The following PAK1IP1 variants were observed in gnomAD, a reference collection of about 807,000 sequenced individuals.
The protein encoded by PAK1IP1 is p21-activated protein kinase-interacting protein 1.
Under a neutral mutation model 42.0 loss-of-function variants are expected in PAK1IP1, and 24 were observed. The ratio of observed to expected loss-of-function variants is 0.57; its 90% CI spans 0.41 to 0.80. PAK1IP1 has a LOEUF of 0.80. Ranked by LOEUF, PAK1IP1 falls within the 30% of genes least tolerant of loss-of-function variation. The probability of loss-of-function intolerance (pLI) is 0.00; values close to 1 mark genes in which losing one functional copy is unlikely to be tolerated. For synonymous variants in PAK1IP1, 154 were observed against 156.7 expected, an observed-to-expected ratio of 0.98 and a Z score of 0.13; for missense variants, 411 against 467.9, an observed-to-expected ratio of 0.88 and a Z score of 1.12.
Position 10,709,514 on chromosome 6 carries a change from A to ATTT in PAK1IP1, c.*72_*74dup. On this transcript the variant is annotated 3_prime_UTR_variant, in exon 10 of 10. Coordinates refer to ENST00000379568, the MANE Select transcript of PAK1IP1 (RefSeq NM_017906.3). ...AATCATTCTACTCAAATGTACCTTA[A>ATTT]TTTTTTTTTTTTCCCTGAGTAAAAG... The ATTT allele has an allele frequency of 9.9e-6, 9 of 908,458 alleles. No individual in the cohort carries two copies. In the African/African-American group the frequency reaches 1.2e-4, roughly 12 times the overall value. The allele number at this position is 908,458 out of a possible 1,614,324, so 56.3% of individuals were successfully genotyped here.
Position 10,704,517 on chromosome 6 carries a change from A to G in PAK1IP1, c.507A>G (p.Ile169Met), listed in dbSNP as rs1230758231. 7 of 1,583,660 alleles carry G rather than the reference A, an allele frequency of 4.4e-6. No homozygotes were observed. The East Asian group carries it at 1.1e-4, about 25-fold the overall frequency. ...FIKNIKQNAH[I>M]VEWSPRGEQY... Reference sequence around the variant, plus strand: ...TTTTTCCACTTACAGATGCTCACATAGTAGAATGGTCCCCAAGAGGAGAGC... The same window carrying G: ...TTTTTCCACTTACAGATGCTCACATGGTAGAATGGTCCCCAAGAGGAGAGC... The change falls in exon 6 of 10, where the codon ATA (isoleucine) becomes ATG (methionine). Residue 169 changes from isoleucine (I) to methionine (M), a missense_variant. Transcript: ENST00000379568.
upstream of PAK1IP1, chr6:10,694,591 A>AAT: frequency 2.8e-5 from 5 of 180,124 alleles, no homozygotes; most frequent in Admixed American, 1.2e-4. Flanking sequence ...CCGGCGCTAC[A>AAT]GCCCCTAAGC....
chr6:10,709,573 A>G lies in PAK1IP1; in HGVS notation c.*121A>G. The G allele has an allele frequency of 4.2e-6, 2 of 478,104 alleles. No homozygotes were observed. Among genetic ancestry groups the G allele is most frequent in the Non-Finnish European group, 6.9e-6 (2 of 290,460 alleles). 29.6% of individuals were successfully genotyped at this position (478,104 alleles called of 1,614,324 possible). On this transcript the variant is annotated 3_prime_UTR_variant, in exon 10 of 10. Coordinates refer to ENST00000379568, the MANE Select transcript of PAK1IP1 (RefSeq NM_017906.3). ...TTCTTCCTTTGGAAAAAATATATAT[A>G]TTAAAAAACCACTTTTAGATGGTTT...
At chr6:10,694,609 CGG>C, upstream of PAK1IP1, 1 of 182,534 alleles carries the variant, frequency 5.5e-6, no homozygotes. Context: ...AGCAACCGGC[CGG>C]AAGTCGGCCC....
chr6:10,695,104 G>A lies in PAK1IP1; in HGVS notation c.84+35G>A, dbSNP rs201065929. 32 of 1,445,548 alleles carry A rather than the reference G, an allele frequency of 2.2e-5. No individual in the cohort carries two copies. In the Admixed American group the frequency reaches 5.0e-4, roughly 23 times the overall value. The allele number at this position is 1,445,548 out of a possible 1,614,324, so 89.5% of individuals were successfully genotyped here. The stretch of plus-strand genomic sequence containing the variant: ...CGCGTAGTTAGAGACAGTCGGAGGC[G>A]GGGCCGGGAAGGTCGGGTTTGGTTC... On this transcript the variant is annotated intron_variant, in intron 1 of 9. Transcript: ENST00000379568.
chr6:10,695,137 G>A, intron 1 of PAK1IP1, 68 bp downstream of exon 1: 1 of 965,478 alleles, frequency 1.0e-6, no homozygotes, highest in Non-Finnish European at 1.6e-6. Flanking sequence ...TTCCTACACA[G>A]CAGAGGTGAA....
At position 10,701,869 on chromosome 6, in the gene PAK1IP1, C is replaced by T. The variant is rs1770037310; in HGVS notation, c.248-500C>T. ...AATCTGTATCTAAACTGGAGATACT[C>T]TGCTGAAAATATTTGCATAGATTTG... On this transcript the variant is annotated intron_variant, in intron 2 of 9. Transcript: ENST00000379568. 2.0e-5 allele frequency among the ~76,000 whole-genome samples: 3 copies of T among 152,156 alleles called. No homozygotes were observed. The South Asian group carries it at 6.2e-4, about 32-fold the overall frequency.
chr6:10,692,106 G>A (rs1253831657), upstream of PAK1IP1, among the ~76,000 whole-genome samples: 1 of 152,158 alleles, frequency 6.6e-6, no homozygotes, highest in Non-Finnish European at 1.5e-5. Flanking sequence ...CAGGGCACCA[G>A]GGACATTCCA....
chr6:10,694,950 G>C (rs368645069), upstream of PAK1IP1: 2 of 1,386,078 alleles, frequency 1.4e-6, no homozygotes, highest in African/African-American at 2.9e-5. Flanking sequence ...CCTCCAGGCT[G>C]AGCCGGGCTG....
chr6:10,694,910 T>TC (rs1431010041), upstream of PAK1IP1: 1 of 903,202 alleles, frequency 1.1e-6, no homozygotes, highest in East Asian at 2.6e-5. Flanking sequence ...GGTGTTTTTT[T>TC]TTTTTTTTTT....
chr6:10,691,382 T>C (rs79274060), upstream of PAK1IP1, among the ~76,000 whole-genome samples: 2,573 of 152,114 alleles, frequency 0.017, 76 homozygotes, highest in African/African-American at 0.059. Context: ...GAGAGGGTCG[T>C]GATTGACTGA....
intron 2 of PAK1IP1, among the ~76,000 whole-genome samples, chr6:10,698,102 G>A (rs1164348023): frequency 6.6e-6 from 1 of 152,206 alleles, no homozygotes; most frequent in African/African-American, 2.4e-5. Context: ...CCGGCAGTGT[G>A]AGGAGCACAA....
intron 8 of PAK1IP1, among the ~76,000 whole-genome samples, chr6:10,708,070 A>T (rs1167885900): frequency 6.9e-6 from 1 of 144,428 alleles, no homozygotes; most frequent in Non-Finnish European, 1.5e-5. Flanking sequence ...TAAGTATACA[A>T]TTCAGTGATT....
chr6:10,691,521 CA>C (rs1279488460), upstream of PAK1IP1, among the ~76,000 whole-genome samples: 3 of 152,030 alleles, frequency 2.0e-5, no homozygotes, highest in East Asian at 3.9e-4. Flanking sequence ...CCGATTAGGT[CA>C]GGGGTCGATC....
chr6:10,695,218 C>T (rs922887716), intron 1 of PAK1IP1, 149 bp downstream of exon 1: 24 of 590,582 alleles, frequency 4.1e-5, no homozygotes, highest in Non-Finnish European at 6.9e-5. Flanking sequence ...AAAAGCTAAC[C>T]TTTTAAACCG....
At position 10,702,669 on chromosome 6, in the gene PAK1IP1, C is replaced by A. The variant is rs779682705; in HGVS notation, c.443+30C>A. On this transcript the variant is annotated intron_variant, in intron 4 of 9. Transcript: ENST00000379568. ...GTCATTAATGCTCAAGAGCATTTAT[C>A]TAAGGTGTGTGTTTTACTACAGCTC... 5 of 1,465,744 alleles carry A rather than the reference C, an allele frequency of 3.4e-6. No individual in the cohort carries two copies. The South Asian group carries it at 5.7e-5, about 17-fold the overall frequency. The allele number at this position is 1,465,744 out of a possible 1,614,324, so 90.8% of individuals were successfully genotyped here.
At chr6:10,695,621 A>G (rs762934260) in intron 1 of PAK1IP1, among the ~76,000 whole-genome samples, 1 of 152,186 alleles carries the variant, frequency 6.6e-6, no homozygotes, top group Non-Finnish European at 1.5e-5. Context: ...ATGGAGAGAA[A>G]TTACAGCAGA....
chr6:10,703,022 G>T (rs1554150777), intron 4 of PAK1IP1, among the ~76,000 whole-genome samples: 1 of 152,006 alleles, frequency 6.6e-6, no homozygotes, highest in Non-Finnish European at 1.5e-5. Context: ...AGCCAGGATG[G>T]TCTTGATCTC....
upstream of PAK1IP1, among the ~76,000 whole-genome samples, chr6:10,694,195 G>C (rs896498066): frequency 6.0e-5 from 9 of 151,246 alleles, no homozygotes; most frequent in African/African-American, 2.2e-4. Context: ...GGGAGGCAGA[G>C]GTTGCGGTGA....
Sources: allele counts gnomAD v4.1 joint callset (sites outside exome capture counted in the v4.1 genomes callset), GRCh38; gene constraint gnomAD v4.1.1; transcripts MANE v1.5; gene names NCBI Gene and HGNC (gene_info 2026-07-23, HGNC 2026-07-21).